The following UBR3 variants were observed in gnomAD, a reference collection of about 807,000 sequenced individuals.
UBR3 encodes the protein ubiquitin protein ligase E3 component n-recognin 3.
UBR3 carries 85 observed loss-of-function variants against 243.2 expected under a neutral mutation model. That is an observed-to-expected ratio of 0.35 (90% CI 0.29 to 0.42). The LOEUF is 0.42. Ranked by LOEUF, UBR3 falls within the 10% of genes least tolerant of loss-of-function variation. The pLI, the probability that UBR3 is intolerant of heterozygous loss-of-function variation, is 1.00. For missense variants in UBR3, 1,686 were observed against 2,300.8 expected (o/e 0.73, Z 5.47); for synonymous variants, 748 against 799.8 (o/e 0.94, Z 1.09).
chr2:169,897,585 G>A (rs1312905015), intron 8 of UBR3, among the ~76,000 whole-genome samples: 1 of 151,918 alleles, frequency 6.6e-6, no homozygotes, highest in East Asian at 1.9e-4. Flanking sequence ...TGCAACCTCC[G>A]CCTCCTGGGT....
intron 22 of UBR3, among the ~76,000 whole-genome samples, chr2:169,948,648 T>C (rs116252930): frequency 6.6e-5 from 10 of 152,194 alleles, no homozygotes; most frequent in African/African-American, 2.4e-4. Context: ...CTGGAAACTC[T>C]GTAAGAGGCT....
At chr2:170,046,584 T>C (rs1280534575) in intron 32 of UBR3, among the ~76,000 whole-genome samples, 2 of 152,238 alleles carry the variant, frequency 1.3e-5, no homozygotes, top group African/African-American at 4.8e-5. Context: ...TGGATAATGT[T>C]AAATACTTTT....
intron 26 of UBR3, among the ~76,000 whole-genome samples, chr2:169,997,563 C>T (rs879579956): frequency 3.7e-4 from 57 of 152,126 alleles, no homozygotes; most frequent in Admixed American, 1.6e-3. Context: ...TTTTCATTTC[C>T]GCTACCCACA....
Position 170,008,808 on chromosome 2 carries a change from A to C in UBR3, c.4235A>C (p.Glu1412Ala). ...LQGRPGAFPS[E>A]TNLSKEMESV... ...TATGTTTGCATTTTTTTATAGTCAG[A>C]AACAAATTTAAGTAAAGAAATGGAA... Residue 1412 changes from glutamate to alanine, a missense_variant, in exon 29 of 39, where the codon GAA becomes GCA. Physicochemically the swap from Glu to Ala is moderately radical, Grantham distance 107. Transcript: ENST00000272793. 3 of 1,337,416 alleles carry C rather than the reference A, an allele frequency of 2.2e-6. No individual in the cohort carries two copies. Among genetic ancestry groups the C allele is most frequent in the Non-Finnish European group, 3.1e-6 (3 of 957,826 alleles). The allele number at this position is 1,337,416 out of a possible 1,614,324, so 82.8% of individuals were successfully genotyped here. A position where few individuals can be genotyped will look rare whatever the true frequency, so the allele number is the denominator to read the frequency against.
At chr2:170,059,212 CTGATA>C (rs138639109) in intron 33 of UBR3, among the ~76,000 whole-genome samples, 6,567 of 152,146 alleles carry the variant, frequency 0.043, 209 homozygotes, top group East Asian at 0.1. Context: ...ATTTAACTTT[CTGATA>C]TGATATAAAA....
chr2:170,006,601 TC>T (rs2089921308), intron 27 of UBR3, among the ~76,000 whole-genome samples: 2 of 152,182 alleles, frequency 1.3e-5, no homozygotes, highest in Admixed American at 1.3e-4. Flanking sequence ...GGGATAATCT[TC>T]CCAGTAGTCA....
chr2:169,880,596 A>G (rs984196570), intron 5 of UBR3, among the ~76,000 whole-genome samples: 2 of 152,270 alleles, frequency 1.3e-5, no homozygotes, highest in Admixed American at 6.5e-5. Flanking sequence ...CTAGAAGGAC[A>G]TCCTTGTGTG....
Position 170,082,210 on chromosome 2 carries a change from T to C in UBR3, c.*367T>C. 1 of 162,902 alleles carries C rather than the reference T, an allele frequency of 6.1e-6. No homozygotes were observed. The highest frequency in any genetic ancestry group is 2.4e-5 in the African/African-American group (1 of 42,032). 10.1% of individuals were successfully genotyped at this position (162,902 alleles called of 1,614,324 possible). A position where few individuals can be genotyped will look rare whatever the true frequency, so the allele number is the denominator to read the frequency against. On this transcript the variant is annotated 3_prime_UTR_variant, in exon 39 of 39. Coordinates refer to ENST00000272793, the MANE Select transcript of UBR3 (RefSeq NM_172070.4). ...TTTATTTGACATTTTACTGCTTCTT[T>C]CTGTCTGTGTGTTTTAATTTGCATC...
chr2:169,914,667 A>G (rs764901457), intron 11 of UBR3, among the ~76,000 whole-genome samples: 41 of 152,160 alleles, frequency 2.7e-4, no homozygotes, highest in Admixed American at 5.9e-4. Context: ...TCGTTGGCCA[A>G]GTTTACCATC....
chr2:169,880,078 G>A (rs1285087038), intron 5 of UBR3, among the ~76,000 whole-genome samples: 1 of 152,130 alleles, frequency 6.6e-6, no homozygotes, highest in Non-Finnish European at 1.5e-5. Flanking sequence ...AGGTGGAATG[G>A]CCTATTAAAA....
intron 33 of UBR3, among the ~76,000 whole-genome samples, chr2:170,060,498 G>T (rs933913628): frequency 6.6e-6 from 1 of 151,678 alleles, no homozygotes; most frequent in Non-Finnish European, 1.5e-5. Flanking sequence ...AAAATTTGTG[G>T]TCTATATTTT....
At chr2:170,022,524 G>C (rs1444028106) in intron 30 of UBR3, among the ~76,000 whole-genome samples, 1 of 152,074 alleles carries the variant, frequency 6.6e-6, no homozygotes, top group African/African-American at 2.4e-5. Flanking sequence ...GAGTTTGAAG[G>C]CATGGATTCT....
intron 8 of UBR3, among the ~76,000 whole-genome samples, chr2:169,900,591 A>G (rs1484560799): frequency 6.6e-6 from 1 of 152,156 alleles, no homozygotes; most frequent in African/African-American, 2.4e-5. Context: ...TAAATTCATA[A>G]TTGAGAAAAC....
intron 5 of UBR3, among the ~76,000 whole-genome samples, chr2:169,888,655 C>G (rs941536805): frequency 1.8e-4 from 28 of 152,282 alleles, no homozygotes; most frequent in African/African-American, 6.3e-4. Context: ...ATGATTCCAC[C>G]TCACTATCCC....
chr2:170,013,712 A>G (rs776460254), intron 29 of UBR3: 8 of 172,450 alleles, frequency 4.6e-5, no homozygotes, highest in Non-Finnish European at 9.2e-5. Context: ...AATATGGTGA[A>G]ATGTTGACAT....
chr2:170,071,557 C>T (rs753334658), intron 35 of UBR3, among the ~76,000 whole-genome samples: 32 of 151,922 alleles, frequency 2.1e-4, no homozygotes, highest in Non-Finnish European at 4.0e-4. Flanking sequence ...ATACATTTAC[C>T]AAAATTCATT....
At chr2:169,974,997 A>G (rs866314908) in intron 24 of UBR3, among the ~76,000 whole-genome samples, 12 of 152,146 alleles carry the variant, frequency 7.9e-5, no homozygotes, top group Non-Finnish European at 7.4e-5. Flanking sequence ...CCTGCACAAC[A>G]TGGCAAAACC....
intron 11 of UBR3, among the ~76,000 whole-genome samples, chr2:169,922,558 T>A (rs534745337): frequency 6.6e-6 from 1 of 152,296 alleles, no homozygotes; most frequent in African/African-American, 2.4e-5. Context: ...ATAACTTTTT[T>A]ATCTCATAAA....
intron 24 of UBR3, among the ~76,000 whole-genome samples, chr2:169,970,766 A>G: frequency 7.4e-6 from 1 of 134,460 alleles, no homozygotes; most frequent in Non-Finnish European, 1.6e-5. Flanking sequence ...GCTATTGTGA[A>G]TAATGCCGCA....
Sources: allele counts gnomAD v4.1 joint callset (sites outside exome capture counted in the v4.1 genomes callset), GRCh38; gene constraint gnomAD v4.1.1; transcripts MANE v1.5; gene names NCBI Gene and HGNC (gene_info 2026-07-23, HGNC 2026-07-21).